SPTBN1: variants seen among roughly 807,000 people sequenced by gnomAD.
The protein encoded by SPTBN1 is spectrin beta, non-erythrocytic 1.
SPTBN1 carries 32 observed loss-of-function variants against 266.4 expected under a neutral mutation model. The ratio of observed to expected loss-of-function variants is 0.12; its 90% CI spans 0.09 to 0.16. SPTBN1 has a LOEUF of 0.16. SPTBN1 is among the 10% of genes least tolerant of loss of function. The pLI, the probability that SPTBN1 is intolerant of heterozygous loss-of-function variation, is 1.00. For missense variants in SPTBN1, 2,296 were observed against 3,067.1 expected, an observed-to-expected ratio of 0.75 and a Z score of 5.94; for synonymous variants, 1,336 against 1,162.2, an observed-to-expected ratio of 1.15 and a Z score of -3.04.
chr2:54,584,446 A>G (rs1488918154), intron 2 of SPTBN1, among the ~76,000 whole-genome samples: 3 of 152,256 alleles, frequency 2.0e-5, no homozygotes, highest in African/African-American at 7.2e-5. Flanking sequence ...AATACATACT[A>G]TAAATTTTGA....
intron 18 of SPTBN1, among the ~76,000 whole-genome samples, chr2:54,639,922 T>C (rs905789789): frequency 6.6e-6 from 1 of 152,204 alleles, no homozygotes; most frequent in African/African-American, 2.4e-5. Flanking sequence ...CATCCTGGTT[T>C]ATCCTGTCTT....
chr2:54,583,660 T>C (rs1675097890), intron 2 of SPTBN1, among the ~76,000 whole-genome samples: 2 of 152,250 alleles, frequency 1.3e-5, no homozygotes, highest in African/African-American at 4.8e-5. Context: ...GTATTATGCT[T>C]ACAAATGTTA....
intron 2 of SPTBN1, among the ~76,000 whole-genome samples, chr2:54,565,654 C>G (rs1358391327): frequency 1.3e-5 from 2 of 152,178 alleles, no homozygotes; most frequent in Non-Finnish European, 2.9e-5. Context: ...AAACAAAAAT[C>G]CCAGCAACTT....
At chr2:54,581,010 G>A (rs775009041) in intron 2 of SPTBN1, among the ~76,000 whole-genome samples, 3 of 151,876 alleles carry the variant, frequency 2.0e-5, no homozygotes, top group Non-Finnish European at 4.4e-5. Flanking sequence ...AGGCACGAGA[G>A]TCGCTTGAGT....
chr2:54,581,112 A>T (rs552441172), intron 2 of SPTBN1, among the ~76,000 whole-genome samples: 2 of 152,114 alleles, frequency 1.3e-5, no homozygotes, highest in South Asian at 4.1e-4. Flanking sequence ...AAAAAGAAAA[A>T]ATATATAAAT....
intron 33 of SPTBN1, among the ~76,000 whole-genome samples, chr2:54,665,149 G>A (rs1681289192): frequency 6.6e-6 from 1 of 152,102 alleles, no homozygotes; most frequent in African/African-American, 2.4e-5. Context: ...GGTTAACAAA[G>A]CTTTCTTTCT....
At chr2:54,584,456 A>T (rs935717877) in intron 2 of SPTBN1, among the ~76,000 whole-genome samples, 1 of 152,248 alleles carries the variant, frequency 6.6e-6, no homozygotes, top group African/African-American at 2.4e-5. Context: ...ATAAATTTTG[A>T]TATCACTACT....
chr2:54,592,949 C>G (rs1268299310), intron 2 of SPTBN1, among the ~76,000 whole-genome samples: 2 of 152,168 alleles, frequency 1.3e-5, no homozygotes, highest in Non-Finnish European at 2.9e-5. Flanking sequence ...TAATAGTTTG[C>G]TGTGAAGATC....
intron 17 of SPTBN1, among the ~76,000 whole-genome samples, chr2:54,635,900 G>A (rs961827309): frequency 1.3e-5 from 2 of 152,188 alleles, no homozygotes; most frequent in African/African-American, 4.8e-5. Context: ...CACATTCTTA[G>A]ATGACTAATT....
rs566253477 is a variant in SPTBN1, at chr2:54,529,151, A to C, written c.148+2585A>C. 9.2e-5 allele frequency among the ~76,000 whole-genome samples: 14 copies of C among 152,214 alleles called. 1 individual carries two copies. The highest frequency in any genetic ancestry group is 7.9e-4 in the Admixed American group (12 of 15,284). The stretch of plus-strand genomic sequence containing the variant: ...TAGGCCTTGAGTGGGGATAATTTAC[A>C]TATCCAACAGGCCAGGTGATGCCCT... On this transcript the variant is annotated intron_variant, in intron 2 of 35. Transcript: ENST00000356805.
At chr2:54,495,089 G>A (rs1364413621) in intron 1 of SPTBN1, among the ~76,000 whole-genome samples, 1 of 152,104 alleles carries the variant, frequency 6.6e-6, no homozygotes, top group East Asian at 1.9e-4. Context: ...AAGGTACAAT[G>A]AAGACCCCCT....
chr2:54,466,946 G>C (rs915752484), intron 1 of SPTBN1, among the ~76,000 whole-genome samples: 1 of 152,034 alleles, frequency 6.6e-6, no homozygotes, highest in African/African-American at 2.4e-5. Flanking sequence ...GTTCATTTTT[G>C]TTACAGCCTT....
chr2:54,656,944 T>C lies in SPTBN1; in HGVS notation c.6047-906T>C, dbSNP rs998884755. Among the ~76,000 whole-genome samples, 15 of 152,190 alleles carry C rather than the reference T, an allele frequency of 9.9e-5. 1 individual carries two copies. Among genetic ancestry groups the C allele is most frequent in the Non-Finnish European group, 2.9e-5 (2 of 68,020 alleles). On this transcript the variant is annotated intron_variant, in intron 29 of 35. Transcript: ENST00000356805. The stretch of plus-strand genomic sequence containing the variant: ...CCTTGAAAAGCCAGTAAGTCCCTAG[T>C]GCAGAGGTGGCATCTTCTTCATGTA...
chr2:54,651,678 C>T (rs1397765009), intron 26 of SPTBN1, among the ~76,000 whole-genome samples: 6 of 152,080 alleles, frequency 3.9e-5, no homozygotes, highest in African/African-American at 7.2e-5. Context: ...CATTTTATTG[C>T]GAGCAAATTG....
At chr2:54,580,540 T>TTG (rs1343875519) in intron 2 of SPTBN1, among the ~76,000 whole-genome samples, 1 of 152,060 alleles carries the variant, frequency 6.6e-6, no homozygotes. Context: ...AGCTGCTTAT[T>TTG]TGTGTGTGTG....
intron 3 of SPTBN1, among the ~76,000 whole-genome samples, chr2:54,603,621 C>T (rs554329354): frequency 3.7e-4 from 56 of 152,090 alleles, no homozygotes; most frequent in Non-Finnish European, 6.8e-4. Flanking sequence ...TGGTATTCCC[C>T]GATTAATTGT....
intron 1 of SPTBN1, among the ~76,000 whole-genome samples, chr2:54,481,268 C>T (rs1668082982): frequency 6.6e-6 from 1 of 151,960 alleles, no homozygotes; most frequent in Admixed American, 6.6e-5. Context: ...TTCAGCAGTG[C>T]TGCCCAGAAA....
intron 17 of SPTBN1, among the ~76,000 whole-genome samples, 196 bp from the exon 18 acceptor site, chr2:54,637,517 G>T (rs1383433368): frequency 1.3e-5 from 2 of 151,982 alleles, no homozygotes; most frequent in Non-Finnish European, 2.9e-5. Flanking sequence ...CAGATTTTTG[G>T]GTCTCTCTGG....
intron 11 of SPTBN1, 26 bp from the exon 12 acceptor site, chr2:54,625,906 C>T (rs2103897820): frequency 1.9e-6 from 3 of 1,604,654 alleles, no homozygotes; most frequent in South Asian, 1.1e-5. Flanking sequence ...TTTTATTTTC[C>T]TTCTTTTCAT....
Sources: allele counts gnomAD v4.1 joint callset (sites outside exome capture counted in the v4.1 genomes callset), GRCh38; gene constraint gnomAD v4.1.1; transcripts MANE v1.5; gene names NCBI Gene and HGNC (gene_info 2026-07-23, HGNC 2026-07-21).